LRRC37A2: variants seen among roughly 807,000 people sequenced by gnomAD.
LRRC37A2 encodes leucine rich repeat containing 37 member A2, also known as leucine-rich repeat-containing protein 37A2.
A neutral mutation model predicts 68.8 loss-of-function variants in LRRC37A2; 9 were observed. The observed-to-expected ratio is 0.13, with a 90% CI of 0.08 to 0.23. The LOEUF is 0.23. Among genes scored for constraint, LRRC37A2 ranks in the 10% least tolerant of loss-of-function variants. The pLI is 1.00. For synonymous variants in LRRC37A2, 63 were observed against 367.6 expected (o/e 0.17, Z 9.48); for missense variants, 168 against 950.4 (o/e 0.18, Z 10.82).
At chr17:46,780,392 T>C in the LRRC37A2 span, among the ~76,000 whole-genome samples, 1 of 152,250 alleles carries the variant, frequency 6.6e-6, no homozygotes, top group East Asian at 1.9e-4. Flanking sequence ...CTCCCCTACA[T>C]ACAGAACATA....
the LRRC37A2 span, among the ~76,000 whole-genome samples, chr17:46,766,330 C>T: frequency 1.3e-5 from 2 of 152,044 alleles, no homozygotes; most frequent in Non-Finnish European, 2.9e-5. Context: ...ATCGCTTGAA[C>T]CCAGGTGGCG....
chr17:46,817,951 C>A, the LRRC37A2 span, among the ~76,000 whole-genome samples: 2 of 152,024 alleles, frequency 1.3e-5, no homozygotes, highest in Non-Finnish European at 2.9e-5. Context: ...GAATCTAGAG[C>A]GGTGGGGAGA....
chr17:46,516,137 A>G (rs1222134230), intron 2 of LRRC37A2, among the ~76,000 whole-genome samples: 3 of 148,780 alleles, frequency 2.0e-5, no homozygotes, highest in African/African-American at 7.6e-5. Flanking sequence ...CATCTCTACT[A>G]AAAATACAGA....
chr17:47,019,497 C>T, the LRRC37A2 span: 1 of 1,564,392 alleles, frequency 6.4e-7, no homozygotes, highest in Non-Finnish European at 8.8e-7. Flanking sequence ...TTCTACAGCC[C>T]TGGAGAAGAC....
the LRRC37A2 span, among the ~76,000 whole-genome samples, chr17:47,029,759 A>C: frequency 3.3e-5 from 5 of 152,072 alleles, no homozygotes; most frequent in Non-Finnish European, 5.9e-5. Context: ...CACTTTATAC[A>C]ACTGGGAGTC....
the LRRC37A2 span, among the ~76,000 whole-genome samples, chr17:46,870,982 C>G: frequency 6.9e-6 from 1 of 145,370 alleles, no homozygotes; most frequent in Non-Finnish European, 1.5e-5. Flanking sequence ...GCGATCTCAG[C>G]TCACTGCAGC....
At chr17:46,982,996 G>A in the LRRC37A2 span, among the ~76,000 whole-genome samples, 1 of 152,182 alleles carries the variant, frequency 6.6e-6, no homozygotes, top group Non-Finnish European at 1.5e-5. Flanking sequence ...GGTTAGGGGA[G>A]CATATTTGGC....
chr17:46,823,002 A>G, the LRRC37A2 span, among the ~76,000 whole-genome samples: 1 of 39,182 alleles, frequency 2.6e-5, no homozygotes, highest in Admixed American at 3.3e-4. Context: ...ATTTATATAT[A>G]TATGTATTTA....
chr17:47,036,582 T>C, the LRRC37A2 span, among the ~76,000 whole-genome samples: 17 of 151,124 alleles, frequency 1.1e-4, no homozygotes, highest in African/African-American at 3.7e-4. Context: ...TCCAGCACCA[T>C]TTAAAAAAAA....
At chr17:46,742,295 A>T in the LRRC37A2 span, among the ~76,000 whole-genome samples, 1 of 152,214 alleles carries the variant, frequency 6.6e-6, no homozygotes, top group Non-Finnish European at 1.5e-5. Context: ...CCTTTTGGAC[A>T]CTTAATATAA....
the LRRC37A2 span, among the ~76,000 whole-genome samples, chr17:46,962,690 C>A: frequency 1.3e-5 from 2 of 152,156 alleles, no homozygotes; most frequent in South Asian, 4.1e-4. Flanking sequence ...CTGTCCCTGC[C>A]AAGGTGCCAG....
At chr17:46,850,646 TG>T in the LRRC37A2 span, among the ~76,000 whole-genome samples, 1 of 152,354 alleles carries the variant, frequency 6.6e-6, no homozygotes, top group East Asian at 1.9e-4. Context: ...AAATCTCACT[TG>T]GGTCATTGGT....
chr17:46,749,920 C>T, the LRRC37A2 span: 1 of 1,613,062 alleles, frequency 6.2e-7, no homozygotes, highest in Non-Finnish European at 8.5e-7. Context: ...AAAAATGAGT[C>T]AATGGATTGC....
the LRRC37A2 span, among the ~76,000 whole-genome samples, chr17:46,661,378 T>TTTATTATTATTATTA: frequency 3.1e-3 from 333 of 106,468 alleles, 2 homozygotes; most frequent in African/African-American, 0.014. Context: ...TACATTTCTT[T>TTTATTATTATTATTA]TTATTATTAT....
the LRRC37A2 span, among the ~76,000 whole-genome samples, chr17:46,998,325 G>C: frequency 6.6e-6 from 1 of 152,178 alleles, no homozygotes; most frequent in African/African-American, 2.4e-5. Context: ...TGTAGCCTTG[G>C]CTGAGCCCCT....
the LRRC37A2 span, among the ~76,000 whole-genome samples, chr17:46,797,258 T>C: frequency 1.3e-5 from 2 of 152,204 alleles, no homozygotes; most frequent in Admixed American, 6.5e-5. Flanking sequence ...CACTATGCGA[T>C]GTCCTACTCT....
chr17:47,016,183 A>AAG, the LRRC37A2 span, among the ~76,000 whole-genome samples: 1 of 151,980 alleles, frequency 6.6e-6, no homozygotes, highest in South Asian at 2.1e-4. Flanking sequence ...GACCTCAGTG[A>AAG]TCCCCCCACC....
At chr17:46,834,601 T>C in the LRRC37A2 span, among the ~76,000 whole-genome samples, 1 of 152,112 alleles carries the variant, frequency 6.6e-6, no homozygotes, top group South Asian at 2.1e-4. Context: ...GGGCTGTAGG[T>C]AGGGGCTCAG....
the LRRC37A2 span, chr17:46,885,847 C>T: frequency 6.6e-6 from 1 of 152,544 alleles, no homozygotes; most frequent in African/African-American, 2.4e-5. Flanking sequence ...TCTCTCCTCC[C>T]TTTCCTTCCC....
Sources: allele counts gnomAD v4.1 joint callset (sites outside exome capture counted in the v4.1 genomes callset), GRCh38; gene constraint gnomAD v4.1.1; transcripts MANE v1.5; gene names NCBI Gene and HGNC (gene_info 2026-07-23, HGNC 2026-07-21).